ZNF677: variants seen among roughly 807,000 people sequenced by gnomAD.
ZNF677 encodes zinc finger protein 677.
In ZNF677, 5 loss-of-function variants were observed where a neutral mutation model predicts 8.1. The ratio of observed to expected loss-of-function variants is 0.62; its 90% confidence interval spans 0.32 to 1.29. The LOEUF is 1.29. ZNF677 is among the 50% of genes most tolerant of loss of function. The probability of loss-of-function intolerance (pLI) is 0.05; values close to 1 mark genes in which losing one functional copy is unlikely to be tolerated. For missense variants in ZNF677, 685 were observed against 685.9 expected (o/e 1.00, Z 0.01); for synonymous variants, 221 against 225.6 (o/e 0.98, Z 0.18).
chr19:53,246,518 ACACACACACACACT>A (rs1322363691), intron 3 of ZNF677, among the ~76,000 whole-genome samples: 1 of 151,376 alleles, frequency 6.6e-6, no homozygotes, highest in Non-Finnish European at 1.5e-5. Flanking sequence ...ACACACACAC[ACACACACACACACT>A]CACACACACG....
Position 53,251,566 on chromosome 19 carries a change from C to T in ZNF677, c.-16G>A, listed in dbSNP as rs1050942590. The T allele has an allele frequency of 6.2e-7, 1 of 1,613,848 alleles. No homozygotes were observed. Among genetic ancestry groups the T allele is most frequent in the African/African-American group, 1.3e-5 (1 of 75,032 alleles). On this transcript the variant is annotated 5_prime_UTR_variant, in exon 3 of 5. Coordinates refer to ENST00000598513, the MANE Select transcript of ZNF677 (RefSeq NM_182609.4). The stretch of plus-strand genomic sequence containing the variant: ...AAAGAGCCATTCCCTCCTCTTCTTT[C>T]TTTCCTCTTCCTCTGAGTTTCTTTC...
intron 3 of ZNF677, among the ~76,000 whole-genome samples, chr19:53,251,158 C>G (rs1165546043): frequency 1.3e-5 from 2 of 152,136 alleles, no homozygotes; most frequent in African/African-American, 2.4e-5. Context: ...GGTATTTGTG[C>G]ACATTAATAT....
At chr19:53,254,744 A>C (rs532649059) in intron 1 of ZNF677, 90 bp downstream of exon 1, 1 of 152,614 alleles carries the variant, frequency 6.6e-6, no homozygotes, top group African/African-American at 2.4e-5. Context: ...CGGGGTTTTA[A>C]CCTACAGGGC....
At chr19:53,252,639 A>T (rs180821767) in intron 2 of ZNF677, among the ~76,000 whole-genome samples, 21 of 152,374 alleles carry the variant, frequency 1.4e-4, no homozygotes, top group South Asian at 4.1e-4. Context: ...AAAGGGGGTC[A>T]GCTGTGGAGA....
At position 53,237,198 on chromosome 19, in the gene ZNF677, G is replaced by C. The variant is rs760429806; in HGVS notation, c.1529C>G (p.Thr510Ser). ...AGTACATTTGTAAGGTTTCTCTCCA[G>C]TATGGATTTTCTTATGCTGAGTAAG... is the stretch of plus-strand genomic sequence containing the variant. Reference protein sequence around the residue: ...SNLTQHKKIHTGEKPYKCTEC... With the variant: ...SNLTQHKKIHSGEKPYKCTEC... The change falls in exon 5 of 5, where the codon ACT (threonine) becomes AGT (serine). Residue 510 changes from threonine to serine, a missense_variant. By Grantham distance (58) the Thr-to-Ser change is moderately conservative. Coordinates refer to ENST00000598513, the MANE Select transcript of ZNF677 (RefSeq NM_182609.4). 6.8e-6 allele frequency: 11 copies of C among 1,612,674 alleles called. No individual in the cohort carries two copies. Among genetic ancestry groups the C allele is most frequent in the Middle Eastern group, 1.6e-4 (1 of 6,070 alleles).
rs2091067670 is a variant in ZNF677, at chr19:53,242,438, A to G, written c.169+1306T>C. 1.0e-5 allele frequency: 4 copies of G among 398,614 alleles called. No homozygotes were observed. In the East Asian group the frequency reaches 1.4e-4, roughly 14 times the overall value. The allele number at this position is 398,614 out of a possible 1,614,324, so 24.7% of individuals were successfully genotyped here. On this transcript the variant is annotated intron_variant, in intron 4 of 4. Transcript: ENST00000598513. The stretch of plus-strand genomic sequence containing the variant: ...CTCTGTCCACAGGCTGCAAGGTGAG[A>G]ACCTAAAAGAATGAGATATATTCCC...
At chr19:53,241,370 A>G (rs2146939053) in intron 4 of ZNF677, 1 of 153,048 alleles carries the variant, frequency 6.5e-6, no homozygotes, top group East Asian at 1.9e-4. Flanking sequence ...TAACCAAATT[A>G]TACTGAACTT....
chr19:53,248,024 T>C (rs1007299851), intron 3 of ZNF677, among the ~76,000 whole-genome samples: 3 of 152,234 alleles, frequency 2.0e-5, no homozygotes, highest in East Asian at 3.8e-4. Context: ...GTTTTTCACA[T>C]GCCTATCTTT....
At position 53,238,017 on chromosome 19, in the gene ZNF677, C is replaced by T; in HGVS notation, c.710G>A (p.Cys237Tyr). The T allele has an allele frequency of 6.2e-7, 1 of 1,613,666 alleles. No individual in the cohort carries two copies. Among genetic ancestry groups the T allele is most frequent in the Non-Finnish European group, 8.5e-7 (1 of 1,179,880 alleles). ...SPLPPCVKNI[C>Y]NKYRKILKYP... Reference sequence around the variant, plus strand: ...TTTCAAAATCTTCCTATATTTATTACAAATGTTTTTGACACAAGGAGGAAG... The same window carrying T: ...TTTCAAAATCTTCCTATATTTATTATAAATGTTTTTGACACAAGGAGGAAG... Residue 237 changes from cysteine (C) to tyrosine (Y), a missense_variant, in exon 5 of 5, where the codon TGT (cysteine) becomes TAT (tyrosine). Physicochemically the swap from Cys to Tyr is radical, Grantham distance 194. Coordinates refer to ENST00000598513, the MANE Select transcript of ZNF677 (RefSeq NM_182609.4).
At chr19:53,254,578 G>A (rs1336304525) in intron 1 of ZNF677, 2 of 152,174 alleles carry the variant, frequency 1.3e-5, no homozygotes, top group African/African-American at 4.8e-5. Context: ...GACGCGGTGG[G>A]CGGTCGGTGT....
At position 53,253,071 on chromosome 19, in the gene ZNF677, G is replaced by A. The variant is rs1219708373; in HGVS notation, c.-56+15C>T. On this transcript the variant is annotated intron_variant, in intron 2 of 4. Coordinates refer to ENST00000598513, the MANE Select transcript of ZNF677 (RefSeq NM_182609.4). ...TGTGATTAAGAAAATCATAAAGAAG[G>A]GAAAATATATTTACCATTCATTAAG... 7 of 152,194 alleles carry A rather than the reference G, an allele frequency of 4.6e-5. No homozygotes were observed. The East Asian group carries it at 1.3e-3, about 29-fold the overall frequency. 9.4% of individuals were successfully genotyped at this position (152,194 alleles called of 1,614,324 possible).
intron 3 of ZNF677, among the ~76,000 whole-genome samples, chr19:53,248,896 T>C (rs1473604583): frequency 1.3e-5 from 2 of 152,190 alleles, no homozygotes; most frequent in Non-Finnish European, 2.9e-5. Context: ...TGCCTTTTGC[T>C]TTCTCCTTTT....
In ZNF677 at chr19:53,237,387, A is replaced by C. The variant is rs1451323906; in HGVS notation, c.1340T>G (p.Val447Gly). The change falls in exon 5 of 5, where the codon GTG (valine) becomes GGG (glycine). Residue 447 changes from valine (V) to glycine (G), a missense_variant. Coordinates refer to ENST00000598513, the MANE Select transcript of ZNF677 (RefSeq NM_182609.4). The part of the protein sequence containing the change: ...GRAFIQSSSL[V>G]EHQRIHTGEK... ...TCCAGTGTGAATTCTCTGATGTTCC[A>C]CAAGACTTGAACTTTGGATAAAAGC... 3 of 1,613,846 alleles carry C rather than the reference A, an allele frequency of 1.9e-6. No homozygotes were observed. The highest frequency in any genetic ancestry group is 2.5e-6 in the Non-Finnish European group (3 of 1,179,968).
At position 53,237,297 on chromosome 19, in the gene ZNF677, T is replaced by A; in HGVS notation, c.1430A>T (p.His477Leu). 1 of 1,613,686 alleles carries A rather than the reference T, an allele frequency of 6.2e-7. No homozygotes were observed. The highest frequency in any genetic ancestry group is 8.5e-7 in the Non-Finnish European group (1 of 1,179,810). Residue 477 changes from histidine to leucine, a missense_variant, in exon 5 of 5, where the codon CAT (histidine) becomes CTT (leucine). Coordinates refer to ENST00000598513, the MANE Select transcript of ZNF677 (RefSeq NM_182609.4). The stretch of plus-strand genomic sequence containing the variant: ...TTTCTCTCCAGTATGAGTTCTCTGA[T>A]GACCCCAAAGGTGTGAACGTTTGAT... Reference protein sequence around the residue: ...AFIKRSHLWGHQRTHTGEKPY... With the variant: ...AFIKRSHLWGLQRTHTGEKPY...
At chr19:53,239,145 A>G (rs1256455782) in intron 4 of ZNF677, 2 of 152,256 alleles carry the variant, frequency 1.3e-5, no homozygotes, top group African/African-American at 4.8e-5. Flanking sequence ...AGCATTAACA[A>G]TTTGTGCATG....
intron 4 of ZNF677, chr19:53,242,903 T>A (rs377479617): frequency 2.0e-5 from 3 of 152,650 alleles, no homozygotes; most frequent in Non-Finnish European, 4.4e-5. Flanking sequence ...TAGGTCATGA[T>A]AGCACCTTTG....
In ZNF677 at chr19:53,235,687, T is replaced by C. The variant is rs2090966951; in HGVS notation, c.*1285A>G. 1 of 152,174 alleles carries C rather than the reference T, an allele frequency of 6.6e-6. No homozygotes were observed. Among genetic ancestry groups the C allele is most frequent in the South Asian group, 2.1e-4 (1 of 4,832 alleles). The allele number at this position is 152,174 out of a possible 1,614,324, so 9.4% of individuals were successfully genotyped here. A position where few individuals can be genotyped will look rare whatever the true frequency, so the allele number is the denominator to read the frequency against. ...ATGCAGTCTCTAGTAACCGACCATTTCACTTCCATGAAAATCTCTCAATGT... is the reference window on the plus strand; with the variant it reads ...ATGCAGTCTCTAGTAACCGACCATTCCACTTCCATGAAAATCTCTCAATGT... On this transcript the variant is annotated 3_prime_UTR_variant, in exon 5 of 5. Transcript: ENST00000598513.
At chr19:53,243,543 C>A in intron 4 of ZNF677, 1 of 637,284 alleles carries the variant, frequency 1.6e-6, no homozygotes, top group Non-Finnish European at 2.6e-6. Context: ...CTGGAACCAC[C>A]ACTCGTCAAA....
chr19:53,245,352 T>C (rs1482426782), intron 3 of ZNF677, among the ~76,000 whole-genome samples: 1 of 152,066 alleles, frequency 6.6e-6, no homozygotes. Flanking sequence ...ACTTATGGAA[T>C]GGGAAAATAT....
Sources: gnomAD v4.1 joint callset for allele counts (sites outside exome capture counted in the v4.1 genomes callset) on GRCh38, gnomAD v4.1.1 for gene constraint, MANE v1.5 for transcripts, NCBI Gene and HGNC (gene_info 2026-07-23, HGNC 2026-07-21) for gene names.